ZC2HC1B: variants seen among roughly 807,000 people sequenced by gnomAD.
ZC2HC1B encodes zinc finger C2HC-type containing 1B, also known as zinc finger C2HC domain-containing protein 1B.
A neutral mutation model predicts 31.0 loss-of-function variants in ZC2HC1B; 36 were observed. That is an observed-to-expected ratio of 1.16 (90% CI 0.89 to 1.54). The LOEUF (loss-of-function observed/expected upper bound fraction) is 1.54, where lower values mean the gene tolerates loss of function less well. Among genes scored for constraint, ZC2HC1B ranks in the 40% most tolerant of loss-of-function variants. ZC2HC1B has a pLI of 0.00. For synonymous variants in ZC2HC1B, 73 were observed against 88.0 expected (o/e 0.83, Z 0.95); for missense variants, 260 against 268.6 (o/e 0.97, Z 0.22).
rs1401925163 is a variant in ZC2HC1B at position 143,870,613 on chromosome 6, A to G, written c.28+6046A>G. 1.3e-5 allele frequency among the ~76,000 whole-genome samples: 2 copies of G among 152,202 alleles called. No individual in the cohort carries two copies. Among genetic ancestry groups the G allele is most frequent in the Non-Finnish European group, 2.9e-5 (2 of 68,044 alleles). On this transcript the variant is annotated intron_variant, in intron 1 of 7. Transcript: ENST00000237275. This position sits in a 1 kb window ranked among gnomAD's most constrained non-coding sequence, Gnocchi z 4.7. Reference sequence around the variant, plus strand: ...AGAAAGCACTCAGTTCATGATAGGCAGGTCAGGTTGCATGGTGACTTGATG... The same window carrying G: ...AGAAAGCACTCAGTTCATGATAGGCGGGTCAGGTTGCATGGTGACTTGATG...
At chr6:143,866,955 A>C (rs1357393823) in intron 1 of ZC2HC1B, among the ~76,000 whole-genome samples, 1 of 152,230 alleles carries the variant, frequency 6.6e-6, no homozygotes, top group Non-Finnish European at 1.5e-5. Flanking sequence ...GAAGTTGAAC[A>C]TCTCTAATCC....
In ZC2HC1B at chr6:143,905,078, G is replaced by T. The variant is rs950903695; in HGVS notation, c.598+1926G>T. 3.9e-5 allele frequency among the ~76,000 whole-genome samples: 6 copies of T among 152,156 alleles called. No homozygotes were observed. The highest frequency in any genetic ancestry group is 4.4e-5 in the Non-Finnish European group (3 of 68,034). ...CCTTGAGATTCCATGTGAATTTTAG[G>T]TTGGGCTTTTTTATTTCTGCAAGAA... is the stretch of plus-strand genomic sequence containing the variant. On this transcript the variant is annotated intron_variant, in intron 6 of 7. Transcript: ENST00000237275. The surrounding 1 kb of genome is among the most constrained non-coding windows in gnomAD (Gnocchi z 4.2).
chr6:143,915,965 T>C lies in ZC2HC1B; in HGVS notation c.598+12813T>C, dbSNP rs1777911819. The stretch of plus-strand genomic sequence containing the variant: ...TTCAAACTGGCTGCAGAAATTTGTA[T>C]AGGTAATGAGGAGCTGAATGTTAGT... On this transcript the variant is annotated intron_variant, in intron 6 of 7. Transcript: ENST00000237275. This position sits in a 1 kb window ranked among gnomAD's most constrained non-coding sequence, Gnocchi z 5.2. Among the ~76,000 whole-genome samples, 1 of 152,196 alleles carries C rather than the reference T, an allele frequency of 6.6e-6. No homozygotes were observed.
At position 143,865,879 on chromosome 6, in the gene ZC2HC1B, G is replaced by A. The variant is rs751668069; in HGVS notation, c.28+1312G>A. On this transcript the variant is annotated intron_variant, in intron 1 of 7. Transcript: ENST00000237275. The surrounding 1 kb of genome is among the most constrained non-coding windows in gnomAD (Gnocchi z 4.4). Reference sequence around the variant, plus strand: ...CGCCCGAGCTGGAGCGCAGTAGTGCGATCTCATCTCACTGCAACCTCCAAC... The same window carrying A: ...CGCCCGAGCTGGAGCGCAGTAGTGCAATCTCATCTCACTGCAACCTCCAAC... 2.6e-5 allele frequency among the ~76,000 whole-genome samples: 4 copies of A among 152,102 alleles called. No homozygotes were observed. The highest frequency in any genetic ancestry group is 4.4e-5 in the Non-Finnish European group (3 of 68,022).
Position 143,924,811 on chromosome 6 carries a change from T to A in ZC2HC1B, c.599-12838T>A, listed in dbSNP as rs932820331. Among the ~76,000 whole-genome samples, 7 of 152,246 alleles carry A rather than the reference T, an allele frequency of 4.6e-5. No individual in the cohort carries two copies. The highest frequency in any genetic ancestry group is 7.3e-5 in the Non-Finnish European group (5 of 68,044). Reference sequence around the variant, plus strand: ...CATTCTGTTGTTGTGAGGTATCACATTTATTGACTTGCATGGGTGGAACCA... The same window carrying A: ...CATTCTGTTGTTGTGAGGTATCACAATTATTGACTTGCATGGGTGGAACCA... On this transcript the variant is annotated intron_variant, in intron 6 of 7. Coordinates refer to ENST00000237275, the MANE Select transcript of ZC2HC1B (RefSeq NM_001013623.3). The surrounding 1 kb of genome is among the most constrained non-coding windows in gnomAD (Gnocchi z 5.2).
intron 6 of ZC2HC1B, among the ~76,000 whole-genome samples, chr6:143,916,424 CAG>C: frequency 6.6e-6 from 1 of 152,348 alleles, no homozygotes; most frequent in East Asian, 1.9e-4. Flanking sequence ...AGCCCCCACA[CAG>C]AGTCCCTACT....
Position 143,868,980 on chromosome 6 carries a change from CAATT to C in ZC2HC1B, c.28+4415_28+4418del, listed in dbSNP as rs1175852608. On this transcript the variant is annotated intron_variant, in intron 1 of 7. Transcript: ENST00000237275. The surrounding 1 kb of genome is among the most constrained non-coding windows in gnomAD (Gnocchi z 4.2). ...CAAAAGAAGGAGGAAATACTAATGA[CAATT>C]ACAGTCCTCATTTCTGCAGCTGGTC... is the stretch of plus-strand genomic sequence containing the variant. Among the ~76,000 whole-genome samples the C allele has an allele frequency of 6.6e-6, 1 of 152,208 alleles. No homozygotes were observed. Among genetic ancestry groups the C allele is most frequent in the Non-Finnish European group, 1.5e-5 (1 of 68,036 alleles).
rs1301537288 is a variant in ZC2HC1B at position 143,885,693 on chromosome 6, T to C, written c.91-339T>C. On this transcript the variant is annotated intron_variant, in intron 2 of 7. Coordinates refer to ENST00000237275, the MANE Select transcript of ZC2HC1B (RefSeq NM_001013623.3). The surrounding 1 kb of genome is among the most constrained non-coding windows in gnomAD (Gnocchi z 4.2). ...CACAGGGAAAGCTCTGCATGTTAGC[T>C]CTTCAGTTTTTGTATCAGAAATGTT... 6.6e-6 allele frequency among the ~76,000 whole-genome samples: 1 copy of C among 152,166 alleles called. No homozygotes were observed. Among genetic ancestry groups the C allele is most frequent in the Non-Finnish European group, 1.5e-5 (1 of 68,046 alleles).
chr6:143,910,153 A>G (rs749898712), intron 6 of ZC2HC1B, among the ~76,000 whole-genome samples: 1 of 152,094 alleles, frequency 6.6e-6, no homozygotes, highest in Non-Finnish European at 1.5e-5. Flanking sequence ...CCTTGATTTC[A>G]TTATTTGCCC....
chr6:143,930,757 T>G (rs2128497787), intron 6 of ZC2HC1B, among the ~76,000 whole-genome samples: 1 of 152,348 alleles, frequency 6.6e-6, no homozygotes, highest in South Asian at 2.1e-4. Flanking sequence ...GATTTCAATT[T>G]CTAAAATGTA....
In ZC2HC1B at chr6:143,884,359, T is replaced by A. The variant is rs904252197; in HGVS notation, c.84T>A (p.Asp28Glu). ...CEVCGRRFAA[D>E]VLERHGPICK... ...TCTGTGGAAGACGTTTTGCAGCAGA[T>A]GTTCTGGTAAACATAAAGACATTTT... Residue 28 changes from aspartate (D) to glutamate (E), a missense_variant, in exon 2 of 8, where the codon GAT (aspartate) becomes GAA (glutamate). Transcript: ENST00000237275. This position sits in a 1 kb window ranked among gnomAD's most constrained non-coding sequence, Gnocchi z 5.1. The A allele has an allele frequency of 2.0e-6, 3 of 1,538,374 alleles. No homozygotes were observed. In the African/African-American group the frequency reaches 4.1e-5, roughly 21 times the overall value.
chr6:143,912,554 T>C (rs1186400626), intron 6 of ZC2HC1B, among the ~76,000 whole-genome samples: 1 of 152,220 alleles, frequency 6.6e-6, no homozygotes, highest in Non-Finnish European at 1.5e-5. Flanking sequence ...TTTTCTTGTT[T>C]ATTTTCTGTA....
intron 6 of ZC2HC1B, among the ~76,000 whole-genome samples, chr6:143,936,646 G>A (rs751100821): frequency 6.6e-6 from 1 of 152,142 alleles, no homozygotes; most frequent in Non-Finnish European, 1.5e-5. Flanking sequence ...TGAGATCTTC[G>A]TACAGAGACT....
At position 143,924,620 on chromosome 6, in the gene ZC2HC1B, C is replaced by T. The variant is rs1377733828; in HGVS notation, c.599-13029C>T. 6.6e-6 allele frequency among the ~76,000 whole-genome samples: 1 copy of T among 152,114 alleles called. No individual in the cohort carries two copies. The highest frequency in any genetic ancestry group is 1.9e-4 in the East Asian group (1 of 5,198). The stretch of plus-strand genomic sequence containing the variant: ...TGTTACAGGTCTTTCAGCTTCTCCC[C>T]ACTCAGTATTATGTTAGCTATGCAT... On this transcript the variant is annotated intron_variant, in intron 6 of 7. Coordinates refer to ENST00000237275, the MANE Select transcript of ZC2HC1B (RefSeq NM_001013623.3). This position sits in a 1 kb window ranked among gnomAD's most constrained non-coding sequence, Gnocchi z 5.2.
At chr6:143,873,974 C>G (rs1562336590) in intron 1 of ZC2HC1B, among the ~76,000 whole-genome samples, 2 of 152,162 alleles carry the variant, frequency 1.3e-5, no homozygotes, top group South Asian at 4.1e-4. Context: ...ATGGGTTTTC[C>G]TTTTCTACTG....
chr6:143,869,993 C>T lies in ZC2HC1B; in HGVS notation c.28+5426C>T, dbSNP rs893672224. On this transcript the variant is annotated intron_variant, in intron 1 of 7. Transcript: ENST00000237275. This position sits in a 1 kb window ranked among gnomAD's most constrained non-coding sequence, Gnocchi z 5.2. ...CTGAGGTCACCAGTTGGTGAGCATT[C>T]ACATGGGATACAAATATCTTTCCAG... is the stretch of plus-strand genomic sequence containing the variant. Among the ~76,000 whole-genome samples the T allele has an allele frequency of 9.2e-5, 14 of 152,206 alleles. No homozygotes were observed. Among genetic ancestry groups the T allele is most frequent in the African/African-American group, 3.4e-4 (14 of 41,450 alleles).
chr6:143,910,739 G>T lies in ZC2HC1B; in HGVS notation c.598+7587G>T, dbSNP rs116196204. On this transcript the variant is annotated intron_variant, in intron 6 of 7. Coordinates refer to ENST00000237275, the MANE Select transcript of ZC2HC1B (RefSeq NM_001013623.3). ...GTAATGCCCTTCTTTTGTCTTTTTTGATCTTTTTTAGTTTATTTGTTTGTT... is the reference window on the plus strand; with the variant it reads ...GTAATGCCCTTCTTTTGTCTTTTTTTATCTTTTTTAGTTTATTTGTTTGTT... Among the ~76,000 whole-genome samples, 777 of 151,946 alleles carry T rather than the reference G, an allele frequency of 5.1e-3. 4 individuals carry two copies. Among genetic ancestry groups the T allele is most frequent in the African/African-American group, 0.017 (708 of 41,490 alleles).
rs1413185756 is a variant in ZC2HC1B, at chr6:143,934,458, TG to T, written c.599-3190del. On this transcript the variant is annotated intron_variant, in intron 6 of 7. Transcript: ENST00000237275. The surrounding 1 kb of genome is among the most constrained non-coding windows in gnomAD (Gnocchi z 4.6). ...TTTTCTGGCATTTCATCAATTTTTT[TG>T]TTGCAATCTGTTGCTGGAGAATTGT... Among the ~76,000 whole-genome samples, 1 of 152,246 alleles carries T rather than the reference TG, an allele frequency of 6.6e-6. No homozygotes were observed. The highest frequency in any genetic ancestry group is 1.5e-5 in the Non-Finnish European group (1 of 68,040).
intron 6 of ZC2HC1B, among the ~76,000 whole-genome samples, chr6:143,907,750 T>G (rs1350680839): frequency 6.6e-6 from 1 of 152,250 alleles, no homozygotes; most frequent in Non-Finnish European, 1.5e-5. Flanking sequence ...ATTGGTAGTT[T>G]CTTTTGCTGT....
Sources: gnomAD v4.1 joint callset for allele counts (sites outside exome capture counted in the v4.1 genomes callset) on GRCh38, gnomAD v4.1.1 for gene constraint, Gnocchi (gnomAD v3.1) non-coding constraint, MANE v1.5 for transcripts, NCBI Gene and HGNC (gene_info 2026-07-23, HGNC 2026-07-21) for gene names.